Variants in CRACD observed in about 807,000 individuals in gnomAD.
CRACD encodes capping protein-inhibiting regulator of actin dynamics.
In CRACD, 56 loss-of-function variants were observed where a neutral mutation model predicts 106.8. The ratio of observed to expected loss-of-function variants is 0.52; its 90% confidence interval spans 0.42 to 0.66. The LOEUF is 0.66. Among genes scored for constraint, CRACD ranks in the 30% least tolerant of loss-of-function variants. The pLI is 0.00. For synonymous variants in CRACD, 754 were observed against 670.8 expected, an observed-to-expected ratio of 1.12 and a Z score of -1.92; for missense variants, 1,730 against 1,623.2, an observed-to-expected ratio of 1.07 and a Z score of -1.13.
At chr4:56,270,619 A>G (rs942021528) in intron 2 of CRACD, among the ~76,000 whole-genome samples, 6 of 152,050 alleles carry the variant, frequency 3.9e-5, no homozygotes, top group Non-Finnish European at 8.8e-5. Context: ...CTCCCTGTTC[A>G]AAGATATGTT....
chr4:56,178,093 C>A (rs1736662315), intron 1 of CRACD, among the ~76,000 whole-genome samples: 1 of 152,020 alleles, frequency 6.6e-6, no homozygotes, highest in Non-Finnish European at 1.5e-5. Context: ...GGTGCCAATG[C>A]CAAATGTTGA....
intron 3 of CRACD, among the ~76,000 whole-genome samples, chr4:56,284,237 T>C (rs1444122882): frequency 7.7e-6 from 1 of 129,058 alleles, no homozygotes; most frequent in Non-Finnish European, 1.5e-5. Context: ...GAGGATTCCT[T>C]GAGCCCAGGA....
intron 1 of CRACD, among the ~76,000 whole-genome samples, chr4:56,153,109 A>C (rs1735641936): frequency 6.6e-6 from 1 of 152,076 alleles, no homozygotes; most frequent in Admixed American, 6.5e-5. Flanking sequence ...TGAAATCCCC[A>C]TCTCTGCTAA....
intron 1 of CRACD, among the ~76,000 whole-genome samples, chr4:56,129,130 T>G (rs554265594): frequency 3.5e-4 from 54 of 152,270 alleles, no homozygotes; most frequent in Middle Eastern, 3.4e-3. Context: ...GGCTGGAGTG[T>G]GGTAGCATAA....
At chr4:56,269,594 C>T (rs1742230283) in intron 2 of CRACD, among the ~76,000 whole-genome samples, 2 of 142,952 alleles carry the variant, frequency 1.4e-5, no homozygotes, top group African/African-American at 2.6e-5. Context: ...GAGACAGAGT[C>T]TCCCTCTGTC....
At chr4:56,183,235 A>AAAAATAAAAT (rs201101283) in intron 2 of CRACD, among the ~76,000 whole-genome samples, 24,980 of 124,250 alleles carry the variant, frequency 0.2, 2,900 homozygotes, top group Non-Finnish European at 0.23. Context: ...CTCCGTCTCA[A>AAAAATAAAAT]AAAATAAAAT....
At chr4:56,172,102 T>G (rs1736395092) in intron 1 of CRACD, among the ~76,000 whole-genome samples, 1 of 142,908 alleles carries the variant, frequency 7.0e-6, no homozygotes, top group Non-Finnish European at 1.5e-5. Context: ...AAAGTTCAGA[T>G]CATTCCTGCA....
rs892624885 is a variant in CRACD at position 56,314,897 on chromosome 4, G to A, written c.1395G>A (p.Gln465=). The change falls in exon 8 of 11, where the codon CAG becomes CAA. Residue 465 remains glutamine (Q), a synonymous_variant. Coordinates refer to ENST00000682029, the MANE Select transcript of CRACD (RefSeq NM_001393381.1). This position sits in a 1 kb window ranked among gnomAD's most constrained non-coding sequence, Gnocchi z 4.4. ...AGGCCGAGCGGCGAAGAGAGCAGCA[G>A]GGAAGGAGCGGGGATTTCCAGGGGG... ...NPEAERRREQ[Q]GRSGDFQGAD... 5.6e-6 allele frequency: 9 copies of A among 1,609,558 alleles called. No individual in the cohort carries two copies. Among genetic ancestry groups the A allele is most frequent in the Non-Finnish European group, 5.9e-6 (7 of 1,178,738 alleles).
At chr4:56,095,365 A>G (rs925453526) in intron 1 of CRACD, among the ~76,000 whole-genome samples, 2 of 152,136 alleles carry the variant, frequency 1.3e-5, no homozygotes, top group Admixed American at 1.3e-4. Context: ...TATCAGTACT[A>G]TTGTTATCGC....
intron 2 of CRACD, among the ~76,000 whole-genome samples, chr4:56,184,555 G>C (rs1457271376): frequency 6.6e-6 from 1 of 152,172 alleles, no homozygotes; most frequent in African/African-American, 2.4e-5. Context: ...CTCCTCGATT[G>C]CCTTTTGGTT....
rs113904244 is a variant in CRACD, at chr4:56,327,880, G to C, written c.*76G>C. 7,348 of 1,301,050 alleles carry C rather than the reference G, an allele frequency of 5.6e-3. 361 individuals are homozygous for C. The African/African-American group carries it at 0.097, about 17-fold the overall frequency. 80.6% of individuals were successfully genotyped at this position (1,301,050 alleles called of 1,614,324 possible). On this transcript the variant is annotated 3_prime_UTR_variant, in exon 11 of 11. Transcript: ENST00000682029. The stretch of plus-strand genomic sequence containing the variant: ...CTTTTTATTTATTTATTTTTTATAT[G>C]GGGTAAAGAAATCAAGCTAGGGAAA...
chr4:56,294,038 G>C (rs888209204), intron 3 of CRACD, among the ~76,000 whole-genome samples: 17 of 152,044 alleles, frequency 1.1e-4, no homozygotes, highest in Admixed American at 3.3e-4. Flanking sequence ...CCAGACTAGG[G>C]AAGATGGCAA....
chr4:56,151,911 G>T lies in CRACD; in HGVS notation c.-335-27373G>T, dbSNP rs959724059. Among the ~76,000 whole-genome samples, 4 of 152,186 alleles carry T rather than the reference G, an allele frequency of 2.6e-5. No homozygotes were observed. The South Asian group carries it at 8.3e-4, about 32-fold the overall frequency. On this transcript the variant is annotated intron_variant, in intron 1 of 10. Coordinates refer to ENST00000682029, the MANE Select transcript of CRACD (RefSeq NM_001393381.1). ...CTGTGTTCTCATTGCACCCTATCAGGTGGCTCTTGATTTTGAGTCATCCCG... is the reference window on the plus strand; with the variant it reads ...CTGTGTTCTCATTGCACCCTATCAGTTGGCTCTTGATTTTGAGTCATCCCG...
chr4:56,080,145 C>G (rs1732974063), intron 1 of CRACD, among the ~76,000 whole-genome samples: 1 of 151,972 alleles, frequency 6.6e-6, no homozygotes, highest in Admixed American at 6.6e-5. Context: ...GAGTTCAAGT[C>G]CAGCCTGGGT....
At chr4:56,296,093 G>T (rs1038827397) in intron 3 of CRACD, among the ~76,000 whole-genome samples, 1 of 152,070 alleles carries the variant, frequency 6.6e-6, no homozygotes, top group Non-Finnish European at 1.5e-5. Flanking sequence ...CATCTGCACC[G>T]TCTTCCTCTC....
At chr4:56,175,504 A>T (rs564048890) in intron 1 of CRACD, among the ~76,000 whole-genome samples, 24 of 152,202 alleles carry the variant, frequency 1.6e-4, no homozygotes, top group South Asian at 6.2e-4. Context: ...TTAATTTTTT[A>T]AAATTTTTTA....
chr4:56,199,690 A>G (rs556606896), intron 2 of CRACD, among the ~76,000 whole-genome samples: 1 of 147,062 alleles, frequency 6.8e-6, no homozygotes, highest in East Asian at 2.0e-4. Flanking sequence ...TCAAAAAAAA[A>G]AAAGAAAAGA....
chr4:56,263,673 G>A (rs376407981), intron 2 of CRACD, among the ~76,000 whole-genome samples: 9 of 152,086 alleles, frequency 5.9e-5, no homozygotes, highest in East Asian at 5.8e-4. Context: ...CGCATTCAGA[G>A]GTACTGGGAG....
chr4:56,190,235 T>C (rs1737309216), intron 2 of CRACD, among the ~76,000 whole-genome samples: 1 of 152,026 alleles, frequency 6.6e-6, no homozygotes, highest in Non-Finnish European at 1.5e-5. Flanking sequence ...GACATTTGGG[T>C]TGGTTCCAAG....
Sources: gnomAD v4.1 joint callset for allele counts (sites outside exome capture counted in the v4.1 genomes callset) on GRCh38, gnomAD v4.1.1 for gene constraint, Gnocchi (gnomAD v3.1) non-coding constraint, MANE v1.5 for transcripts, NCBI Gene and HGNC (gene_info 2026-07-23, HGNC 2026-07-21) for gene names.